Variants in LRRC1 observed in about 807,000 individuals in gnomAD.
The protein encoded by LRRC1 is leucine rich repeat containing 1, also known as leucine-rich repeat-containing protein 1.
A neutral mutation model predicts 69.9 loss-of-function variants in LRRC1; 28 were observed. The observed-to-expected ratio is 0.40, with a 90% confidence interval of 0.30 to 0.55. LRRC1 has a LOEUF of 0.55. LRRC1 is among the 20% of genes least tolerant of loss of function. The pLI is 0.47. For synonymous variants in LRRC1, 236 were observed against 240.2 expected (o/e 0.98, Z 0.16); for missense variants, 498 against 609.0 (o/e 0.82, Z 1.92).
chr6:53,853,358 C>G (rs545772670), intron 2 of LRRC1, among the ~76,000 whole-genome samples: 1 of 146,574 alleles, frequency 6.8e-6, no homozygotes, highest in South Asian at 2.2e-4. Flanking sequence ...GATCTCGGCT[C>G]ACTGCAACCT....
intron 2 of LRRC1, among the ~76,000 whole-genome samples, chr6:53,849,170 G>T (rs572411931): frequency 1.5e-4 from 23 of 151,336 alleles, no homozygotes; most frequent in African/African-American, 5.6e-4. Flanking sequence ...TTCAGTTACA[G>T]GTTCTCTCAA....
At position 53,804,185 on chromosome 6, in the gene LRRC1, A is replaced by C. The variant is rs576012116; in HGVS notation, c.159+8770A>C. Among the ~76,000 whole-genome samples the C allele has an allele frequency of 4.6e-5, 7 of 152,308 alleles. No individual in the cohort carries two copies. The South Asian group carries it at 1.4e-3, about 32-fold the overall frequency. ...TAATTCAAAGAACAAAAAAGAAAGA[A>C]TAGTCACTTGATTTCCTTGAAATGA... On this transcript the variant is annotated intron_variant, in intron 1 of 13. Coordinates refer to ENST00000370888, the MANE Select transcript of LRRC1 (RefSeq NM_018214.5).
At chr6:53,899,225 A>G (rs1341378624) in intron 7 of LRRC1, among the ~76,000 whole-genome samples, 3 of 152,222 alleles carry the variant, frequency 2.0e-5, no homozygotes, top group Non-Finnish European at 4.4e-5. Flanking sequence ...GCTGCTTTTA[A>G]TGTTAAAGAT....
chr6:53,807,668 C>T (rs557269636), intron 1 of LRRC1, among the ~76,000 whole-genome samples: 1 of 142,268 alleles, frequency 7.0e-6, no homozygotes, highest in Non-Finnish European at 1.6e-5. Flanking sequence ...TTGCTTGAAC[C>T]CGGGAGATGG....
At chr6:53,815,891 G>T (rs1187314547) in intron 1 of LRRC1, among the ~76,000 whole-genome samples, 1 of 152,132 alleles carries the variant, frequency 6.6e-6, no homozygotes, top group Non-Finnish European at 1.5e-5. Context: ...TAATACTTTG[G>T]TCTTGGCCCA....
At chr6:53,878,837 C>T (rs1767163919) in intron 2 of LRRC1, among the ~76,000 whole-genome samples, 156 bp from the exon 3 acceptor site, 1 of 152,058 alleles carries the variant, frequency 6.6e-6, no homozygotes, top group Non-Finnish European at 1.5e-5. Context: ...ATTAGGAAAG[C>T]AAATATAAAT....
At chr6:53,800,384 TG>T (rs1764443909) in intron 1 of LRRC1, among the ~76,000 whole-genome samples, 1 of 150,334 alleles carries the variant, frequency 6.7e-6, no homozygotes. Flanking sequence ...TCGAGTAAGC[TG>T]GGATTACAGG....
chr6:53,867,815 C>T (rs1365988290), intron 2 of LRRC1, among the ~76,000 whole-genome samples: 2 of 151,700 alleles, frequency 1.3e-5, no homozygotes, highest in African/African-American at 4.8e-5. Flanking sequence ...ATTAGCTGGG[C>T]GTGGTGGCGT....
intron 2 of LRRC1, among the ~76,000 whole-genome samples, chr6:53,864,723 G>C (rs1393708173): frequency 6.6e-6 from 1 of 152,130 alleles, no homozygotes; most frequent in Non-Finnish European, 1.5e-5. Flanking sequence ...CTCTTCTTGT[G>C]TGGAGTTATA....
intron 10 of LRRC1, among the ~76,000 whole-genome samples, chr6:53,912,262 C>T (rs1356578094): frequency 5.3e-5 from 8 of 152,094 alleles, no homozygotes; most frequent in Admixed American, 4.6e-4. Context: ...GAGGGTTAGA[C>T]CGTAATTATG....
intron 4 of LRRC1, among the ~76,000 whole-genome samples, chr6:53,884,422 A>G (rs1036641212): frequency 1.3e-5 from 2 of 152,160 alleles, no homozygotes; most frequent in South Asian, 2.1e-4. Context: ...AGGAAGGATC[A>G]CTTGAGCCCA....
At chr6:53,880,167 A>C (rs1315695070) in intron 3 of LRRC1, among the ~76,000 whole-genome samples, 2 of 152,178 alleles carry the variant, frequency 1.3e-5, no homozygotes, top group Admixed American at 1.3e-4. Flanking sequence ...TTATTTTTCC[A>C]ATACCTTCTT....
chr6:53,873,454 G>T (rs1408651919), intron 2 of LRRC1, among the ~76,000 whole-genome samples: 1 of 131,572 alleles, frequency 7.6e-6, no homozygotes, highest in African/African-American at 2.7e-5. Context: ...ACCACGCCCG[G>T]CTAATTTTTT....
At chr6:53,856,993 G>C (rs963039127) in intron 2 of LRRC1, among the ~76,000 whole-genome samples, 3 of 152,184 alleles carry the variant, frequency 2.0e-5, no homozygotes, top group African/African-American at 7.2e-5. Context: ...AGATGGGAGA[G>C]GCTGAAGAAA....
chr6:53,888,935 G>GA (rs1051885775), intron 4 of LRRC1, among the ~76,000 whole-genome samples: 8 of 152,042 alleles, frequency 5.3e-5, no homozygotes, highest in South Asian at 2.1e-4. Flanking sequence ...CACAGAATGG[G>GA]AAAAAATATT....
chr6:53,836,042 C>T (rs954301827), intron 1 of LRRC1, among the ~76,000 whole-genome samples: 8 of 152,174 alleles, frequency 5.3e-5, no homozygotes, highest in Admixed American at 6.5e-5. Context: ...CAGCTTTTGC[C>T]GTTGCCCTTT....
At chr6:53,830,847 G>A (rs914439691) in intron 1 of LRRC1, among the ~76,000 whole-genome samples, 2 of 150,868 alleles carry the variant, frequency 1.3e-5, no homozygotes, top group Non-Finnish European at 3.0e-5. Flanking sequence ...TGCCATTATT[G>A]CAATTAAAAT....
Position 53,920,686 on chromosome 6 carries a change from G to C in LRRC1, c.1341G>C (p.Trp447Cys), listed in dbSNP as rs1768712044. Reference sequence around the variant, plus strand: ...TAAATGATGTCTCTGATGAAGCCTGGAACGAGCGTGCTGTCAACAGAGTCA... The same window carrying C: ...TAAATGATGTCTCTGATGAAGCCTGCAACGAGCGTGCTGTCAACAGAGTCA... Reference protein sequence around the residue: ...NLVNDVSDEAWNERAVNRVSA... With the variant: ...NLVNDVSDEACNERAVNRVSA... Residue 447 changes from tryptophan (W) to cysteine (C), a missense_variant, in exon 13 of 14, where the codon TGG (tryptophan) becomes TGC (cysteine). Trp to Cys is a radical substitution (Grantham distance 215). Coordinates refer to ENST00000370888, the MANE Select transcript of LRRC1 (RefSeq NM_018214.5). 1 of 1,614,182 alleles carries C rather than the reference G, an allele frequency of 6.2e-7. No homozygotes were observed. The highest frequency in any genetic ancestry group is 2.2e-5 in the East Asian group (1 of 44,882).
intron 2 of LRRC1, among the ~76,000 whole-genome samples, chr6:53,863,410 G>T (rs964048404): frequency 6.6e-6 from 1 of 152,146 alleles, no homozygotes; most frequent in Non-Finnish European, 1.5e-5. Flanking sequence ...GCCTGTTTTC[G>T]ATGTATGGGG....
Sources: allele counts gnomAD v4.1 joint callset (sites outside exome capture counted in the v4.1 genomes callset), GRCh38; gene constraint gnomAD v4.1.1; transcripts MANE v1.5; gene names NCBI Gene and HGNC (gene_info 2026-07-23, HGNC 2026-07-21).